PRKCZ: variants seen among roughly 807,000 people sequenced by gnomAD.
PRKCZ encodes the protein protein kinase C zeta type.
In PRKCZ, 33 loss-of-function variants were observed where a neutral mutation model predicts 79.5. That is an observed-to-expected ratio of 0.41 (90% CI 0.31 to 0.55). The LOEUF (loss-of-function observed/expected upper bound fraction) is 0.55. Among genes scored for constraint, PRKCZ ranks in the 20% least tolerant of loss-of-function variants. PRKCZ has a pLI of 0.19. For synonymous variants in PRKCZ, 342 were observed against 320.9 expected, an observed-to-expected ratio of 1.07 and a Z score of -0.70; for missense variants, 578 against 813.5, an observed-to-expected ratio of 0.71 and a Z score of 3.52.
At position 2,106,851 on chromosome 1, in the gene PRKCZ, C is replaced by T. The variant is rs3753240; in HGVS notation, c.335-28411C>T. Among the ~76,000 whole-genome samples, 214 of 91,614 alleles carry T rather than the reference C, an allele frequency of 2.3e-3. 8 individuals carry two copies. In the East Asian group the frequency reaches 0.041, roughly 18 times the overall value. The allele number at this position is 91,614 out of a possible 152,430, so 60.1% of individuals were successfully genotyped here. A position where few individuals can be genotyped will look rare whatever the true frequency, so the allele number is the denominator to read the frequency against. ...AGGACCTCCACACGTGTCACCAGGC[C>T]AGGCGACTCTTCAGCAAGCCCCTCC... On this transcript the variant is annotated intron_variant, in intron 4 of 17. Transcript: ENST00000378567.
rs375205723 is a variant in PRKCZ, at chr1:2,177,046, TCTAA to T, written c.1575+1736_1575+1739del. On this transcript the variant is annotated intron_variant, in intron 16 of 17. Transcript: ENST00000378567. This position sits in a 1 kb window ranked among gnomAD's most constrained non-coding sequence, Gnocchi z 6.4. ...AAGGGAGAAGAGATCTGCCTTTGGT[TCTAA>T]CTGTCAGTCATCCTCACGCCCAGGC... Among the ~76,000 whole-genome samples the T allele has an allele frequency of 7.7e-4, 117 of 152,326 alleles. No homozygotes were observed. The highest frequency in any genetic ancestry group is 3.4e-3 in the Middle Eastern group (1 of 294).
At chr1:2,062,689 T>C (rs1660796248) in intron 4 of PRKCZ, among the ~76,000 whole-genome samples, 1 of 151,986 alleles carries the variant, frequency 6.6e-6, no homozygotes, top group Non-Finnish European at 1.5e-5. Flanking sequence ...GGTTTTACCA[T>C]GTTGCCCAGG....
chr1:2,146,533 C>T (rs1678568563), intron 7 of PRKCZ, among the ~76,000 whole-genome samples: 3 of 152,206 alleles, frequency 2.0e-5, no homozygotes, highest in Admixed American at 6.5e-5. Flanking sequence ...CACAGCGTGG[C>T]AGTGGCATGG....
At chr1:2,090,443 G>C (rs1251286494) in intron 4 of PRKCZ, among the ~76,000 whole-genome samples, 1 of 152,166 alleles carries the variant, frequency 6.6e-6, no homozygotes, top group African/African-American at 2.4e-5. Flanking sequence ...CGTGCCCTGT[G>C]TCCCCACAGG....
At chr1:2,069,536 G>A (rs1571149406) in intron 4 of PRKCZ, among the ~76,000 whole-genome samples, 1 of 152,222 alleles carries the variant, frequency 6.6e-6, no homozygotes, top group Non-Finnish European at 1.5e-5. Context: ...CTTAGGACCA[G>A]ACCCCCATTG....
At chr1:2,133,092 T>TAGG (rs1007039251) in intron 4 of PRKCZ, among the ~76,000 whole-genome samples, 2 of 152,196 alleles carry the variant, frequency 1.3e-5, no homozygotes, top group Non-Finnish European at 2.9e-5. Flanking sequence ...TGGCGTCTGC[T>TAGG]AGGACGTCAT....
intron 4 of PRKCZ, among the ~76,000 whole-genome samples, chr1:2,101,690 G>A (rs529000384): frequency 9.2e-5 from 14 of 152,250 alleles, no homozygotes; most frequent in African/African-American, 2.4e-4. Context: ...GGGGGTTTGC[G>A]AAGATGACAT....
intron 4 of PRKCZ, among the ~76,000 whole-genome samples, chr1:2,132,033 G>T (rs61776567): frequency 2.6e-5 from 4 of 152,168 alleles, no homozygotes; most frequent in African/African-American, 7.2e-5. Context: ...GGATGGTCTC[G>T]ATCTCCTGAC....
intron 4 of PRKCZ, among the ~76,000 whole-genome samples, chr1:2,119,399 G>A (rs1466776800): frequency 6.6e-6 from 1 of 152,000 alleles, no homozygotes; most frequent in African/African-American, 2.4e-5. Flanking sequence ...ATTTTTAGTA[G>A]AGGCAGGGTT....
chr1:2,179,152 C>T lies in PRKCZ; in HGVS notation c.1575+3839C>T, dbSNP rs199992426. Among the ~76,000 whole-genome samples the T allele has an allele frequency of 1.6e-4, 25 of 152,338 alleles. No individual in the cohort carries two copies. In the East Asian group the frequency reaches 3.7e-3, roughly 22 times the overall value. On this transcript the variant is annotated intron_variant, in intron 16 of 17. Transcript: ENST00000378567. ...TGCCCCTGCACTGGGAGGTGGCGCT[C>T]ATCTTGTCGGGGGCTCCCATGGGCC...
At chr1:2,117,948 T>C (rs1253194055) in intron 4 of PRKCZ, among the ~76,000 whole-genome samples, 5 of 152,060 alleles carry the variant, frequency 3.3e-5, no homozygotes, top group African/African-American at 7.2e-5. Flanking sequence ...GCTATTATTT[T>C]GTTTGTTGTT....
chr1:2,092,868 A>C (rs1039255464), intron 4 of PRKCZ, among the ~76,000 whole-genome samples: 9 of 152,166 alleles, frequency 5.9e-5, no homozygotes, highest in Non-Finnish European at 1.2e-4. Flanking sequence ...ATCACCACAC[A>C]GTGGGCCCAG....
chr1:2,071,706 C>T (rs774593431), intron 4 of PRKCZ, among the ~76,000 whole-genome samples: 20 of 152,192 alleles, frequency 1.3e-4, no homozygotes, highest in Non-Finnish European at 1.9e-4. Context: ...GGACAGTGGT[C>T]GTGCTGCTGA....
At position 2,143,973 on chromosome 1, in the gene PRKCZ, A is replaced by G. The variant is rs958555082; in HGVS notation, c.421-237A>G. The G allele has an allele frequency of 9.2e-5, 46 of 499,018 alleles. No individual in the cohort carries two copies. In the East Asian group the frequency reaches 1.6e-3, roughly 18 times the overall value. 30.9% of individuals were successfully genotyped at this position (499,018 alleles called of 1,614,324 possible). ...GCACCTCCCCTGTGTCCCCTCATGC[A>G]GAGCAGGGTTCCAGGCCTCTCCTTG... On this transcript the variant is annotated intron_variant, in intron 5 of 17. Transcript: ENST00000378567.
At chr1:2,053,059 C>T (rs1170902371) in intron 1 of PRKCZ, among the ~76,000 whole-genome samples, 1 of 152,004 alleles carries the variant, frequency 6.6e-6, no homozygotes, top group Non-Finnish European at 1.5e-5. Context: ...GTCTCAGATG[C>T]CCGCTCTTCT....
intron 4 of PRKCZ, among the ~76,000 whole-genome samples, chr1:2,123,837 T>C (rs1363648823): frequency 2.8e-4 from 2 of 7,200 alleles, no homozygotes; most frequent in Non-Finnish European, 2.0e-4. Flanking sequence ...AGGGTCACGG[T>C]GGTGGTTAGG....
chr1:2,171,872 T>C (rs1228504684), intron 11 of PRKCZ, among the ~76,000 whole-genome samples, 183 bp from the exon 12 acceptor site: 3 of 152,242 alleles, frequency 2.0e-5, no homozygotes, highest in African/African-American at 7.2e-5. Context: ...GGTGGTGTCC[T>C]GGAGCTTTCA....
Position 2,052,949 on chromosome 1 carries a change from A to G in PRKCZ, c.71+2248A>G, listed in dbSNP as rs113632451. On this transcript the variant is annotated intron_variant, in intron 1 of 17. Transcript: ENST00000378567. The stretch of plus-strand genomic sequence containing the variant: ...GCCCTCTGAGCACACTTGAGATCCA[A>G]TCCTCGCCACCCCACCCCGCCCCCT... Among the ~76,000 whole-genome samples, 860 of 152,122 alleles carry G rather than the reference A, an allele frequency of 5.7e-3. 6 individuals are homozygous for G. The highest frequency in any genetic ancestry group is 0.02 in the African/African-American group (832 of 41,510).
chr1:2,101,808 A>C (rs1667482978), intron 4 of PRKCZ, among the ~76,000 whole-genome samples: 1 of 152,218 alleles, frequency 6.6e-6, no homozygotes, highest in South Asian at 2.1e-4. Context: ...GCAGAGGCGT[A>C]GTGGATGCGT....
Sources: gnomAD v4.1 joint callset for allele counts (sites outside exome capture counted in the v4.1 genomes callset) on GRCh38, gnomAD v4.1.1 for gene constraint, Gnocchi (gnomAD v3.1) non-coding constraint, MANE v1.5 for transcripts, NCBI Gene and HGNC (gene_info 2026-07-23, HGNC 2026-07-21) for gene names.